NUCB2: variants seen among roughly 807,000 people sequenced by gnomAD.
The protein encoded by NUCB2 is nucleobindin 2.
Under a neutral mutation model 57.9 loss-of-function variants are expected in NUCB2, and 48 were observed. The observed-to-expected ratio is 0.83, with a 90% CI of 0.66 to 1.05. The LOEUF is 1.05. NUCB2 is among the 50% of genes least tolerant of loss of function. The pLI is 0.00. For missense variants in NUCB2, 442 were observed against 476.2 expected (o/e 0.93, Z 0.67); for synonymous variants, 139 against 152.1 (o/e 0.91, Z 0.64).
In NUCB2 at chr11:17,330,410, C is replaced by A; in HGVS notation, c.1173+113C>A. On this transcript the variant is annotated intron_variant, in intron 12 of 13. Coordinates refer to ENST00000529010, the MANE Select transcript of NUCB2 (RefSeq NM_005013.4). This position sits in a 1 kb window ranked among gnomAD's most constrained non-coding sequence, Gnocchi z 4.3. ...TATATAGTACACTGCTATAGCTATACTATAGTATTTTAAATTTTAATACTT... is the reference window on the plus strand; with the variant it reads ...TATATAGTACACTGCTATAGCTATAATATAGTATTTTAAATTTTAATACTT... The A allele has an allele frequency of 1.8e-6, 1 of 553,196 alleles. No individual in the cohort carries two copies. Among genetic ancestry groups the A allele is most frequent in the Non-Finnish European group, 3.0e-6 (1 of 333,674 alleles). The allele number at this position is 553,196 out of a possible 1,614,324, so 34.3% of individuals were successfully genotyped here.
intron 11 of NUCB2, among the ~76,000 whole-genome samples, chr11:17,323,026 A>G (rs1364602558): frequency 6.8e-6 from 1 of 146,588 alleles, no homozygotes; most frequent in African/African-American, 2.7e-5. Context: ...TCATCTGCAA[A>G]CAAGGATAGT....
intron 10 of NUCB2, among the ~76,000 whole-genome samples, chr11:17,313,498 C>G (rs1330356491): frequency 6.6e-6 from 1 of 152,166 alleles, no homozygotes; most frequent in Non-Finnish European, 1.5e-5. Flanking sequence ...CCACTGTACT[C>G]CAGCCTGGGT....
chr11:17,341,071 C>A (rs1335625902), intron 2 of NUCB2, among the ~76,000 whole-genome samples: 1 of 152,192 alleles, frequency 6.6e-6, no homozygotes, highest in African/African-American at 2.4e-5. Context: ...ATTTTATTCT[C>A]TTTGAAGCAA....
At chr11:17,326,013 T>C (rs114794906) in intron 11 of NUCB2, among the ~76,000 whole-genome samples, 17,690 of 152,032 alleles carry the variant, frequency 0.12, 2,240 homozygotes, top group African/African-American at 0.32. Context: ...TCTTTTTTTT[T>C]TTTCGAGACA....
At chr11:17,286,914 A>G (rs148252460) in intron 2 of NUCB2, among the ~76,000 whole-genome samples, 1 of 152,230 alleles carries the variant, frequency 6.6e-6, no homozygotes, top group Non-Finnish European at 1.5e-5. Flanking sequence ...GTGCTGGAAT[A>G]CTTACCATTT....
chr11:17,325,621 T>A (rs1367614169), intron 11 of NUCB2, among the ~76,000 whole-genome samples: 1 of 152,236 alleles, frequency 6.6e-6, no homozygotes, highest in East Asian at 1.9e-4. Flanking sequence ...TGTTTTTTCA[T>A]CTATTCAGAT....
At position 17,331,561 on chromosome 11, in the gene NUCB2, AC is replaced by A. The variant is rs1565475996; in HGVS notation, c.*143del. 4 of 491,364 alleles carry A rather than the reference AC, an allele frequency of 8.1e-6. No homozygotes were observed. Among genetic ancestry groups the A allele is most frequent in the African/African-American group, 2.0e-5 (1 of 50,012 alleles). The allele number at this position is 491,364 out of a possible 1,614,324, so 30.4% of individuals were successfully genotyped here. A position where few individuals can be genotyped will look rare whatever the true frequency, so the allele number is the denominator to read the frequency against. ...AGGGAGATACTTTTTAAATGAAAAC[AC>A]TTTTTTTGGGACACAGATATTAAAG... On this transcript the variant is annotated 3_prime_UTR_variant, in exon 14 of 14. Coordinates refer to ENST00000529010, the MANE Select transcript of NUCB2 (RefSeq NM_005013.4).
intron 4 of NUCB2, among the ~76,000 whole-genome samples, chr11:17,297,321 T>C (rs933368759): frequency 6.6e-6 from 1 of 152,222 alleles, no homozygotes; most frequent in Admixed American, 6.5e-5. Context: ...TTTATTTTAG[T>C]TTCTGTTCTT....
chr11:17,324,566 T>G (rs1432229303), intron 11 of NUCB2, among the ~76,000 whole-genome samples: 2 of 152,000 alleles, frequency 1.3e-5, no homozygotes, highest in Non-Finnish European at 2.9e-5. Context: ...CCCAAGTAGC[T>G]GGAATTACAG....
intron 11 of NUCB2, among the ~76,000 whole-genome samples, chr11:17,327,029 A>T (rs960215216): frequency 1.3e-5 from 2 of 152,156 alleles, no homozygotes; most frequent in Non-Finnish European, 2.9e-5. Context: ...CAAATATTTC[A>T]TATCAGTCTC....
chr11:17,284,060 A>G (rs1020091559), intron 2 of NUCB2, among the ~76,000 whole-genome samples: 1 of 151,754 alleles, frequency 6.6e-6, no homozygotes, highest in Non-Finnish European at 1.5e-5. Flanking sequence ...ACGGAGTCTC[A>G]CTCTTTCACC....
intron 2 of NUCB2, among the ~76,000 whole-genome samples, chr11:17,287,162 AC>A (rs1943884521): frequency 6.6e-6 from 1 of 151,404 alleles, no homozygotes; most frequent in South Asian, 2.1e-4. Context: ...CCACAACTCT[AC>A]CAAAAAAAAA....
At chr11:17,282,238 A>C (rs753264527) in intron 1 of NUCB2, among the ~76,000 whole-genome samples, 8 of 115,504 alleles carry the variant, frequency 6.9e-5, no homozygotes, top group South Asian at 2.8e-4. Flanking sequence ...CTATCTATCT[A>C]TATATATATA....
intron 1 of NUCB2, among the ~76,000 whole-genome samples, chr11:17,282,361 C>T (rs1289886634): frequency 2.0e-5 from 3 of 151,038 alleles, no homozygotes; most frequent in South Asian, 4.2e-4. Context: ...CAGGTTTAAG[C>T]GATTCTTGTG....
chr11:17,348,866 G>A (rs142829399), intron 2 of NUCB2, among the ~76,000 whole-genome samples: 7,823 of 151,390 alleles, frequency 0.052, 359 homozygotes, highest in Admixed American at 0.14. Context: ...TGCAACCTCC[G>A]CTTCCCGGGT....
intron 2 of NUCB2, among the ~76,000 whole-genome samples, chr11:17,343,720 T>C (rs142830473): frequency 6.6e-6 from 1 of 152,346 alleles, no homozygotes; most frequent in East Asian, 1.9e-4. Context: ...TAAACAGTTT[T>C]ATGGAGGTAT....
intron 7 of NUCB2, 43 bp from the exon 8 acceptor site, chr11:17,311,150 G>T: frequency 1.3e-6 from 2 of 1,505,700 alleles, no homozygotes; most frequent in Non-Finnish European, 1.8e-6. Flanking sequence ...TGTACAGATA[G>T]ATTATATTTT....
At chr11:17,318,696 C>T (rs1428247935) in intron 11 of NUCB2, among the ~76,000 whole-genome samples, 2 of 151,960 alleles carry the variant, frequency 1.3e-5, no homozygotes, top group African/African-American at 4.8e-5. Flanking sequence ...TCTCACTGGC[C>T]AAATCTGGGA....
intron 2 of NUCB2, among the ~76,000 whole-genome samples, chr11:17,292,180 G>T (rs1021318464): frequency 6.6e-6 from 1 of 151,994 alleles, no homozygotes; most frequent in African/African-American, 2.4e-5. Flanking sequence ...ATAAATGAGG[G>T]AACTGAAGTG....
Sources: allele counts gnomAD v4.1 joint callset (sites outside exome capture counted in the v4.1 genomes callset), GRCh38; gene constraint gnomAD v4.1.1; non-coding constraint Gnocchi (gnomAD v3.1); transcripts MANE v1.5; gene names NCBI Gene and HGNC (gene_info 2026-07-23, HGNC 2026-07-21).